Variants in KIAA1217 observed in about 807,000 individuals in gnomAD.
KIAA1217 encodes KIAA1217, also known as sickle tail protein homolog.
Under a neutral mutation model 163.9 loss-of-function variants are expected in KIAA1217, and 88 were observed. The observed-to-expected ratio is 0.54, with a 90% CI of 0.45 to 0.64. KIAA1217 has a LOEUF of 0.64. KIAA1217 is among the 30% of genes least tolerant of loss of function. KIAA1217 has a pLI of 0.00. For synonymous variants in KIAA1217, 903 were observed against 923.1 expected, an observed-to-expected ratio of 0.98 and a Z score of 0.39; for missense variants, 2,372 against 2,475.0, an observed-to-expected ratio of 0.96 and a Z score of 0.88.
intron 20 of KIAA1217, 104 bp from the exon 21 acceptor site, chr10:24,545,723 T>G: frequency 6.6e-7 from 1 of 1,512,896 alleles, no homozygotes; most frequent in South Asian, 1.4e-5. Context: ...TTGGTTGGTT[T>G]TCTTTGATTG....
At chr10:23,935,374 A>G (rs1417630821) in intron 1 of KIAA1217, among the ~76,000 whole-genome samples, 1 of 152,214 alleles carries the variant, frequency 6.6e-6, no homozygotes, top group African/African-American at 2.4e-5. Flanking sequence ...AAACACATCT[A>G]AGCATTTTGA....
intron 1 of KIAA1217, among the ~76,000 whole-genome samples, chr10:23,875,605 C>T (rs542850993): frequency 5.9e-5 from 9 of 152,112 alleles, no homozygotes; most frequent in East Asian, 1.9e-4. Context: ...TGGGGATATA[C>T]CCAAATGATT....
chr10:24,336,498 A>G (rs2046373935), intron 2 of KIAA1217, among the ~76,000 whole-genome samples: 1 of 152,190 alleles, frequency 6.6e-6, no homozygotes, highest in Admixed American at 6.5e-5. Context: ...TGCACTCAGT[A>G]TGTTAGGTCT....
At chr10:24,330,300 CAAAA>C (rs397846537) in intron 2 of KIAA1217, among the ~76,000 whole-genome samples, 3 of 94,202 alleles carry the variant, frequency 3.2e-5, no homozygotes, top group Admixed American at 1.2e-4. Context: ...AACTCCATCT[CAAAA>C]AAAAAAAAAA....
chr10:24,136,888 T>G (rs1024347507), intron 2 of KIAA1217, among the ~76,000 whole-genome samples: 1 of 152,206 alleles, frequency 6.6e-6, no homozygotes, highest in Admixed American at 6.5e-5. Context: ...TCTTTTTAGC[T>G]GTTTACAAAA....
chr10:23,916,968 C>CAA (rs72049753), intron 1 of KIAA1217, among the ~76,000 whole-genome samples: 20,340 of 79,700 alleles, frequency 0.26, 2,149 homozygotes, highest in Middle Eastern at 0.32. Context: ...GAGATTCTCT[C>CAA]AAAAAAAAAA....
At chr10:24,255,695 G>A in intron 2 of KIAA1217, 1 of 284,342 alleles carries the variant, frequency 3.5e-6, no homozygotes, top group South Asian at 2.8e-5. Flanking sequence ...TCACCCAAGA[G>A]TCAGTTGTTC....
chr10:24,372,699 A>G (rs1455290182), intron 2 of KIAA1217, among the ~76,000 whole-genome samples: 1 of 152,120 alleles, frequency 6.6e-6, no homozygotes, highest in Non-Finnish European at 1.5e-5. Flanking sequence ...TCAAAAGAAA[A>G]CTAATGCTCG....
At chr10:24,219,959 A>G in intron 2 of KIAA1217, 50 bp downstream of exon 2, 3 of 1,509,736 alleles carry the variant, frequency 2.0e-6, no homozygotes, top group Non-Finnish European at 2.7e-6. Flanking sequence ...TCTAATGAAC[A>G]TCGAGGAAAG....
In KIAA1217 at chr10:24,272,931, G is replaced by A. The variant is rs377734260; in HGVS notation, c.354+53022G>A. On this transcript the variant is annotated intron_variant, in intron 2 of 20. Coordinates refer to ENST00000376454, the MANE Select transcript of KIAA1217 (RefSeq NM_019590.5). The stretch of plus-strand genomic sequence containing the variant: ...AGCATCCACCCCAGTTCTTTCTCTG[G>A]TCCTTGCACTCTGAGAATGAAGTCT... 1.2e-4 allele frequency among the ~76,000 whole-genome samples: 19 copies of A among 152,284 alleles called. 1 individual carries two copies. Among genetic ancestry groups the A allele is most frequent in the Admixed American group, 1.0e-3 (16 of 15,294 alleles).
intron 2 of KIAA1217, among the ~76,000 whole-genome samples, chr10:24,235,387 A>G (rs2072093466): frequency 6.6e-6 from 1 of 152,244 alleles, no homozygotes; most frequent in African/African-American, 2.4e-5. Flanking sequence ...TCAAGGGTTT[A>G]GCATTAGAGA....
At chr10:24,274,664 A>G (rs2077092849) in intron 2 of KIAA1217, among the ~76,000 whole-genome samples, 1 of 152,156 alleles carries the variant, frequency 6.6e-6, no homozygotes, top group South Asian at 2.1e-4. Flanking sequence ...CCTAGGGGAA[A>G]TACAGGGTTA....
At chr10:23,796,378 A>C in intron 1 of KIAA1217, among the ~76,000 whole-genome samples, 1 of 118,476 alleles carries the variant, frequency 8.4e-6, no homozygotes, top group Non-Finnish European at 1.8e-5. Flanking sequence ...TTTATTTTTT[A>C]ATTGAGACGA....
intron 1 of KIAA1217, among the ~76,000 whole-genome samples, chr10:23,960,336 G>A (rs1046766987): frequency 1.3e-5 from 2 of 151,056 alleles, no homozygotes; most frequent in South Asian, 2.1e-4. Flanking sequence ...TCGGCTTACC[G>A]CAACCTCTGC....
At chr10:24,069,835 A>G (rs1220800479) in intron 2 of KIAA1217, among the ~76,000 whole-genome samples, 1 of 151,544 alleles carries the variant, frequency 6.6e-6, no homozygotes, top group Non-Finnish European at 1.5e-5. Flanking sequence ...CTTTCTTTCC[A>G]TTTTTTTCTT....
chr10:24,254,512 T>A lies in KIAA1217; in HGVS notation c.354+34603T>A, dbSNP rs539314323. On this transcript the variant is annotated intron_variant, in intron 2 of 20. Transcript: ENST00000376454. Reference sequence around the variant, plus strand: ...CCATACCATTAGGAAATGGGGGGCATGTCCTCTGGGTGGTTCCTAAGCATT... The same window carrying A: ...CCATACCATTAGGAAATGGGGGGCAAGTCCTCTGGGTGGTTCCTAAGCATT... Among the ~76,000 whole-genome samples the A allele has an allele frequency of 4.6e-5, 7 of 152,348 alleles. No individual in the cohort carries two copies. The East Asian group carries it at 1.4e-3, about 29-fold the overall frequency.
chr10:24,186,063 T>C (rs2066415189), intron 2 of KIAA1217, among the ~76,000 whole-genome samples: 1 of 152,156 alleles, frequency 6.6e-6, no homozygotes, highest in African/African-American at 2.4e-5. Context: ...CCAACACATG[T>C]TAGCAATATT....
intron 3 of KIAA1217, among the ~76,000 whole-genome samples, chr10:24,424,002 C>G (rs2058977174): frequency 1.3e-5 from 2 of 151,626 alleles, no homozygotes; most frequent in African/African-American, 2.4e-5. Context: ...TTCTTGAATA[C>G]AGCAAAAATT....
At chr10:24,402,282 G>A (rs557321535) in intron 3 of KIAA1217, among the ~76,000 whole-genome samples, 3 of 152,046 alleles carry the variant, frequency 2.0e-5, no homozygotes, top group Non-Finnish European at 4.4e-5. Flanking sequence ...CAAGGCGGGC[G>A]GATCACGAGG....
Sources: allele counts gnomAD v4.1 joint callset (sites outside exome capture counted in the v4.1 genomes callset), GRCh38; gene constraint gnomAD v4.1.1; transcripts MANE v1.5; gene names NCBI Gene and HGNC (gene_info 2026-07-23, HGNC 2026-07-21).